Variants in ASTN2 observed in about 807,000 individuals in gnomAD.
ASTN2 encodes the protein astrotactin-2.
ASTN2 carries 54 observed loss-of-function variants against 139.8 expected under a neutral mutation model. The observed-to-expected ratio is 0.39, with a 90% CI of 0.31 to 0.48. The LOEUF (loss-of-function observed/expected upper bound fraction) is 0.48, where lower values mean the gene tolerates loss of function less well. ASTN2 is among the 20% of genes least tolerant of loss of function. ASTN2 has a pLI of 0.95. For missense variants in ASTN2, 1,565 were observed against 1,725.1 expected, an observed-to-expected ratio of 0.91 and a Z score of 1.64; for synonymous variants, 756 against 719.5, an observed-to-expected ratio of 1.05 and a Z score of -0.81.
chr9:116,992,523 C>G (rs1836888719), intron 7 of ASTN2, among the ~76,000 whole-genome samples: 1 of 152,142 alleles, frequency 6.6e-6, no homozygotes, highest in South Asian at 2.1e-4. Context: ...AAGTTTTTGC[C>G]TGAGGTGCCT....
At chr9:117,299,330 T>C (rs1051292288) in intron 1 of ASTN2, among the ~76,000 whole-genome samples, 28 of 152,324 alleles carry the variant, frequency 1.8e-4, no homozygotes, top group African/African-American at 5.8e-4. Flanking sequence ...AGAGCTGGCA[T>C]TGTGGGACTC....
chr9:117,168,832 G>GT (rs1240872212), intron 3 of ASTN2, among the ~76,000 whole-genome samples: 1 of 152,110 alleles, frequency 6.6e-6, no homozygotes, highest in Admixed American at 6.6e-5. Flanking sequence ...TGTTATTGCA[G>GT]TTTGTTTTTT....
At chr9:116,846,799 G>C (rs1039243162) in intron 11 of ASTN2, among the ~76,000 whole-genome samples, 9 of 152,052 alleles carry the variant, frequency 5.9e-5, no homozygotes, top group African/African-American at 1.7e-4. Flanking sequence ...AATTCCAAGG[G>C]AGGTAGGTTC....
At chr9:117,149,816 G>C (rs1311926547) in intron 3 of ASTN2, among the ~76,000 whole-genome samples, 1 of 152,048 alleles carries the variant, frequency 6.6e-6, no homozygotes, top group Non-Finnish European at 1.5e-5. Flanking sequence ...TTAAAAAATG[G>C]CTCCCTCTTT....
chr9:117,219,918 C>T (rs1304920724), intron 2 of ASTN2, among the ~76,000 whole-genome samples: 1 of 152,156 alleles, frequency 6.6e-6, no homozygotes, highest in Non-Finnish European at 1.5e-5. Context: ...AAACCAGGTG[C>T]CTGGGGGCAT....
At chr9:116,557,929 A>T (rs969437060) in intron 19 of ASTN2, among the ~76,000 whole-genome samples, 1 of 152,212 alleles carries the variant, frequency 6.6e-6, no homozygotes, top group Non-Finnish European at 1.5e-5. Context: ...CCCAGTTCTA[A>T]GAGACTGTAA....
At position 117,125,125 on chromosome 9, in the gene ASTN2, A is replaced by G. The variant is rs1353832491; in HGVS notation, c.1168+16201T>C. Among the ~76,000 whole-genome samples, 3 of 152,176 alleles carry G rather than the reference A, an allele frequency of 2.0e-5. No homozygotes were observed. In the East Asian group the frequency reaches 5.8e-4, roughly 29 times the overall value. On this transcript the variant is annotated intron_variant, in intron 4 of 22. Transcript: ENST00000313400. ...TATTCCCTTCTAATGGGGTTTTATA[A>G]ATACATGCTCCCTCTTCTTATTACT...
chr9:116,863,048 C>T (rs550340296), intron 11 of ASTN2, among the ~76,000 whole-genome samples: 2 of 152,234 alleles, frequency 1.3e-5, no homozygotes, highest in Admixed American at 1.3e-4. Context: ...GGCTGCCTCT[C>T]CCTTCCTTCA....
rs56265727 is a variant in ASTN2, at chr9:116,747,693, G to GCACACA, written c.2397-14176_2397-14171dup. Among the ~76,000 whole-genome samples the GCACACA allele has an allele frequency of 1.3e-3, 190 of 149,154 alleles. No individual in the cohort carries two copies. In the South Asian group the frequency reaches 0.015, roughly 12 times the overall value. On this transcript the variant is annotated intron_variant, in intron 13 of 22. Transcript: ENST00000313400. ...CTCATTTATACACAGGTGTGCATGA[G>GCACACA]CACACACACACACACACACACACAC...
At chr9:117,101,393 AC>A (rs1216478510) in intron 4 of ASTN2, among the ~76,000 whole-genome samples, 1 of 152,210 alleles carries the variant, frequency 6.6e-6, no homozygotes, top group African/African-American at 2.4e-5. Context: ...CTGCTCCCGT[AC>A]TTCCATTTAG....
At chr9:116,882,490 G>A (rs1354090015) in intron 10 of ASTN2, among the ~76,000 whole-genome samples, 1 of 152,156 alleles carries the variant, frequency 6.6e-6, no homozygotes, top group Non-Finnish European at 1.5e-5. Context: ...AGGAGGAGGA[G>A]GAGAGGTAGA....
At chr9:116,576,791 C>T (rs1481994197) in intron 19 of ASTN2, among the ~76,000 whole-genome samples, 2 of 151,966 alleles carry the variant, frequency 1.3e-5, no homozygotes, top group East Asian at 1.9e-4. Flanking sequence ...TGGCTTGATC[C>T]CATAATCACA....
At chr9:116,642,102 G>A (rs1055463410) in intron 17 of ASTN2, among the ~76,000 whole-genome samples, 8 of 136,610 alleles carry the variant, frequency 5.9e-5, no homozygotes, top group South Asian at 2.3e-4. Flanking sequence ...ATTACCTGGG[G>A]AGGCTGGGAA....
intron 16 of ASTN2, among the ~76,000 whole-genome samples, chr9:116,696,966 A>AG (rs1860890831): frequency 6.8e-6 from 1 of 146,032 alleles, no homozygotes; most frequent in Non-Finnish European, 1.5e-5. Flanking sequence ...AAAAAAAAAA[A>AG]GCCTCCACAC....
chr9:117,182,247 T>TA (rs1465113464), intron 3 of ASTN2, among the ~76,000 whole-genome samples: 6 of 144,908 alleles, frequency 4.1e-5, no homozygotes, highest in African/African-American at 1.5e-4. Context: ...AAAAAAAAAA[T>TA]AATAAGATTT....
intron 16 of ASTN2, chr9:116,697,480 T>G: frequency 2.1e-6 from 1 of 469,726 alleles, no homozygotes; most frequent in Non-Finnish European, 3.9e-6. Context: ...CACTATGCAG[T>G]GTTTTGTCTG....
intron 16 of ASTN2, among the ~76,000 whole-genome samples, chr9:116,676,312 T>C (rs1090028): frequency 0.58 from 88,368 of 152,004 alleles, 26,168 homozygotes; most frequent in East Asian, 0.87. Context: ...AAAGGATTTG[T>C]GAGACTAGTC....
chr9:116,506,635 G>T (rs149595254), intron 19 of ASTN2, among the ~76,000 whole-genome samples: 12 of 152,298 alleles, frequency 7.9e-5, no homozygotes, highest in African/African-American at 2.9e-4. Flanking sequence ...TAAATAGAGA[G>T]AATGTGGGAG....
intron 1 of ASTN2, among the ~76,000 whole-genome samples, chr9:117,318,248 G>A (rs1048990614): frequency 6.6e-6 from 1 of 152,170 alleles, no homozygotes; most frequent in Non-Finnish European, 1.5e-5. Context: ...GTTTCTATCT[G>A]TAATATGGGG....
Sources: allele counts gnomAD v4.1 joint callset (sites outside exome capture counted in the v4.1 genomes callset), GRCh38; gene constraint gnomAD v4.1.1; transcripts MANE v1.5; gene names NCBI Gene and HGNC (gene_info 2026-07-23, HGNC 2026-07-21).